CCNF: variants seen among roughly 807,000 people sequenced by gnomAD.
CCNF encodes cyclin-F.
CCNF carries 30 observed loss-of-function variants against 85.4 expected under a neutral mutation model. That is an observed-to-expected ratio of 0.35 (90% confidence interval 0.26 to 0.48). The LOEUF is 0.48. Ranked by LOEUF, CCNF falls within the 20% of genes least tolerant of loss-of-function variation. CCNF has a pLI of 0.99. For synonymous variants in CCNF, 439 were observed against 425.1 expected (o/e 1.03, Z -0.40); for missense variants, 919 against 1,010.4 (o/e 0.91, Z 1.23).
At chr16:2,441,453 G>C (rs959561806) in intron 8 of CCNF, among the ~76,000 whole-genome samples, 1 of 151,854 alleles carries the variant, frequency 6.6e-6, no homozygotes, top group African/African-American at 2.4e-5. Flanking sequence ...AGTTCAAGGG[G>C]CCTCAGTCAA....
chr16:2,435,481 ATGCCGGGG>A (rs766112444), intron 3 of CCNF, among the ~76,000 whole-genome samples: 32 of 150,838 alleles, frequency 2.1e-4, no homozygotes, highest in Non-Finnish European at 4.3e-4. Context: ...GCTACTTGGG[ATGCCGGGG>A]TGGGAGAATG....
At chr16:2,430,387 G>C (rs990529077) in intron 1 of CCNF, among the ~76,000 whole-genome samples, 1 of 152,162 alleles carries the variant, frequency 6.6e-6, no homozygotes, top group Admixed American at 6.5e-5. Flanking sequence ...TGGAAAATCC[G>C]GCTGTGGGAA....
chr16:2,456,912 T>C lies in CCNF; in HGVS notation c.2253T>C (p.Arg751=). 1 of 1,613,948 alleles carries C rather than the reference T, an allele frequency of 6.2e-7. No homozygotes were observed. The highest frequency in any genetic ancestry group is 8.5e-7 in the Non-Finnish European group (1 of 1,179,988). The change falls in exon 17 of 17, where the codon CGT becomes CGC. Residue 751 remains arginine, a synonymous_variant. Transcript: ENST00000397066. This position sits in a 1 kb window ranked among gnomAD's most constrained non-coding sequence, Gnocchi z 4.5. The part of the protein sequence containing the change: ...HQARKSCLQC[R]PPSPPESSVP... Reference sequence around the variant, plus strand: ...CCAGGAAGTCATGTTTACAGTGTCGTCCCCCAAGTCCCCCGGAGAGCAGTG... The same window carrying C: ...CCAGGAAGTCATGTTTACAGTGTCGCCCCCCAAGTCCCCCGGAGAGCAGTG...
intron 10 of CCNF, among the ~76,000 whole-genome samples, chr16:2,448,281 G>A (rs528091230): frequency 6.6e-6 from 1 of 152,324 alleles, no homozygotes; most frequent in Non-Finnish European, 1.5e-5. Flanking sequence ...TTAGCAAACT[G>A]AATGCTCAGG....
Position 2,449,824 on chromosome 16 carries a change from C to G in CCNF, c.1400-4C>G. 2 of 1,587,346 alleles carry G rather than the reference C, an allele frequency of 1.3e-6. No homozygotes were observed. The highest frequency in any genetic ancestry group is 2.3e-5 in the East Asian group (1 of 42,618). On this transcript the variant is annotated splice_region_variant and splice_polypyrimidine_tract_variant and intron_variant, in intron 12 of 16. Coordinates refer to ENST00000397066, the MANE Select transcript of CCNF (RefSeq NM_001761.3). The stretch of plus-strand genomic sequence containing the variant: ...CTCCACCCCTGGCCTGCTTTCCTCC[C>G]CAGCACAGCCCTGGACCACTCAGCT...
chr16:2,443,894 GA>G lies in CCNF; in HGVS notation c.929+95del, dbSNP rs536384102. 665 of 1,177,282 alleles carry G rather than the reference GA, an allele frequency of 5.6e-4. 6 individuals are homozygous for G. The African/African-American group carries it at 9.3e-3, about 17-fold the overall frequency. 72.9% of individuals were successfully genotyped at this position (1,177,282 alleles called of 1,614,324 possible). A position where few individuals can be genotyped will look rare whatever the true frequency, so the allele number is the denominator to read the frequency against. On this transcript the variant is annotated intron_variant, in intron 9 of 16. Coordinates refer to ENST00000397066, the MANE Select transcript of CCNF (RefSeq NM_001761.3). Reference sequence around the variant, plus strand: ...TTTCCACTTAACCCCAGTTACCTGTGACAGGGCGGCATAGAGTTCCCTTATC... The same window carrying G: ...TTTCCACTTAACCCCAGTTACCTGTGCAGGGCGGCATAGAGTTCCCTTATC...
At chr16:2,444,306 T>TC (rs2065349469) in intron 9 of CCNF, among the ~76,000 whole-genome samples, 1 of 150,826 alleles carries the variant, frequency 6.6e-6, no homozygotes, top group Non-Finnish European at 1.5e-5. Flanking sequence ...AGTTACTTTT[T>TC]TTTTTTTTTT....
chr16:2,445,769 C>T, intron 10 of CCNF, 147 bp downstream of exon 10: 1 of 780,168 alleles, frequency 1.3e-6, no homozygotes, highest in Non-Finnish European at 2.0e-6. Context: ...GCTCTGTCAC[C>T]CAGGCTGGAG....
At position 2,435,814 on chromosome 16, in the gene CCNF, A is replaced by G; in HGVS notation, c.287A>G (p.Glu96Gly). Residue 96 changes from glutamate (E) to glycine (G), a missense_variant, in exon 4 of 17, where the codon GAA (glutamate) becomes GGA (glycine). Around this residue, in one of 3 missense-constraint regions of CCNF, gnomAD observed 410 missense variants for 478.6 expected, o/e 0.86. Coordinates refer to ENST00000397066, the MANE Select transcript of CCNF (RefSeq NM_001761.3). ...TGTTCTTAATGTTTCAGGGCTGCTG[A>G]AAAGGGGAATTTCGAAGCTGCTGTG... ...GNLKLFERAA[E>G]KGNFEAAVKL... is the part of the protein sequence containing the mutation. The G allele has an allele frequency of 6.2e-7, 1 of 1,613,566 alleles. No individual in the cohort carries two copies. Among genetic ancestry groups the G allele is most frequent in the Non-Finnish European group, 8.5e-7 (1 of 1,179,696 alleles).
chr16:2,437,351 G>A (rs750992715), intron 5 of CCNF, 29 bp downstream of exon 5: 2 of 1,522,374 alleles, frequency 1.3e-6, no homozygotes, highest in South Asian at 1.2e-5. Flanking sequence ...CAGCACCTGC[G>A]AGGCCACCTG....
At position 2,437,125 on chromosome 16, in the gene CCNF, G is replaced by A. The variant is rs374319260; in HGVS notation, c.347-4G>A. ...CCTGGGCTCTGTCCTGTCTGTCCCC[G>A]CAGTGTCTGTGTCTGATGAGGCCCG... On this transcript the variant is annotated splice_polypyrimidine_tract_variant and splice_region_variant and intron_variant, in intron 4 of 16. Transcript: ENST00000397066. The A allele has an allele frequency of 4.8e-5, 76 of 1,578,214 alleles. No individual in the cohort carries two copies. The highest frequency in any genetic ancestry group is 5.8e-5 in the South Asian group (5 of 86,754).
intron 3 of CCNF, 33 bp downstream of exon 3, chr16:2,433,100 C>A: frequency 7.0e-7 from 1 of 1,428,932 alleles, no homozygotes; most frequent in Non-Finnish European, 9.8e-7. Context: ...GCTCAGTCTT[C>A]TCCTGCCTTG....
At position 2,452,437 on chromosome 16, in the gene CCNF, T is replaced by G. The variant is rs997527798; in HGVS notation, c.1488-773T>G. The G allele has an allele frequency of 3.9e-5, 6 of 152,248 alleles. No homozygotes were observed. Among genetic ancestry groups the G allele is most frequent in the Non-Finnish European group, 2.9e-5 (2 of 68,072 alleles). The allele number at this position is 152,248 out of a possible 1,614,324, so 9.4% of individuals were successfully genotyped here. On this transcript the variant is annotated intron_variant, in intron 13 of 16. Coordinates refer to ENST00000397066, the MANE Select transcript of CCNF (RefSeq NM_001761.3). The surrounding 1 kb of genome is among the most constrained non-coding windows in gnomAD (Gnocchi z 4.1). ...GGGTCTCGTCCCACCCACCTTTGCT[T>G]ATGGGGAGCACAGATCGTCCCAACC...
intron 9 of CCNF, 57 bp downstream of exon 9, chr16:2,443,857 G>A (rs2065346187): frequency 1.9e-6 from 3 of 1,551,798 alleles, no homozygotes; most frequent in Middle Eastern, 1.9e-4. Context: ...AGCCTCCAGG[G>A]GAAGGGAGCC....
chr16:2,448,527 G>A (rs895125181), intron 10 of CCNF, among the ~76,000 whole-genome samples: 1 of 152,098 alleles, frequency 6.6e-6, no homozygotes, highest in African/African-American at 2.4e-5. Context: ...CCACCTTAGC[G>A]TCCCAAGTAA....
chr16:2,435,267 GAAAAGA>G (rs1327069755), intron 3 of CCNF, among the ~76,000 whole-genome samples: 59 of 124,158 alleles, frequency 4.8e-4, no homozygotes, highest in African/African-American at 1.7e-3. Flanking sequence ...AAAAAGAAAA[GAAAAGA>G]AAAAAAAAAA....
rs750109390 is a variant in CCNF at position 2,453,511 on chromosome 16, C to T, written c.1689C>T (p.Ser563=). The change falls in exon 15 of 17, where the codon AGC becomes AGT. Residue 563 remains serine, a synonymous_variant. Transcript: ENST00000397066. The surrounding 1 kb of genome is among the most constrained non-coding windows in gnomAD (Gnocchi z 5.6). ...LSTGEIHAFL[S]SPSGRRTKRK... is the part of the protein sequence containing the mutation. ...CAGGGGAGATCCACGCCTTCCTCAG[C>T]TCTCCCTCGGGGCGGAGAACCAAAC... 1.2e-6 allele frequency: 2 copies of T among 1,613,980 alleles called. No homozygotes were observed. The highest frequency in any genetic ancestry group is 2.7e-5 in the African/African-American group (2 of 74,936).
At chr16:2,431,891 C>T (rs1361486752) in intron 2 of CCNF, among the ~76,000 whole-genome samples, 1 of 149,798 alleles carries the variant, frequency 6.7e-6, no homozygotes, top group African/African-American at 2.5e-5. Context: ...AGTGCAGTAG[C>T]GCAATCTCGG....
In CCNF at chr16:2,449,840, C is replaced by T. The variant is rs771496661; in HGVS notation, c.1412C>T (p.Thr471Ile). The T allele has an allele frequency of 1.2e-5, 19 of 1,565,626 alleles. No homozygotes were observed. In the African/African-American group the frequency reaches 2.1e-4, roughly 18 times the overall value. Residue 471 changes from threonine (T) to isoleucine (I), a missense_variant, in exon 13 of 17, where the codon ACC becomes ATC. Thr to Ile is a moderately conservative substitution (Grantham distance 89). This residue lies in a region of CCNF where 505 missense variants were observed against 514.8 expected (regional missense o/e 0.98). Coordinates refer to ENST00000397066, the MANE Select transcript of CCNF (RefSeq NM_001761.3). Reference sequence around the variant, plus strand: ...CTTTCCTCCCCAGCACAGCCCTGGACCACTCAGCTGTGGGACCTCACCGGA... The same window carrying T: ...CTTTCCTCCCCAGCACAGCCCTGGATCACTCAGCTGTGGGACCTCACCGGA... ...RLTHGQTQPW[T>I]TQLWDLTGFS...
Sources: allele counts gnomAD v4.1 joint callset (sites outside exome capture counted in the v4.1 genomes callset), GRCh38; gene constraint gnomAD v4.1.1; regional missense constraint gnomAD v4.1.1; non-coding constraint Gnocchi (gnomAD v3.1); transcripts MANE v1.5; gene names NCBI Gene and HGNC (gene_info 2026-07-23, HGNC 2026-07-21).